The following MSRA variants were observed in gnomAD, a reference collection of about 807,000 sequenced individuals.
The protein encoded by MSRA is mitochondrial peptide methionine sulfoxide reductase.
In MSRA, 54 loss-of-function variants were observed where a neutral mutation model predicts 31.3. The ratio of observed to expected loss-of-function variants is 1.73; its 90% CI spans 1.39 to 2.17. The LOEUF is 2.17. Among genes scored for constraint, MSRA ranks in the 30% most tolerant of loss-of-function variants. The probability of loss-of-function intolerance (pLI) is 0.00; values close to 1 mark genes in which losing one functional copy is unlikely to be tolerated. For synonymous variants in MSRA, 169 were observed against 116.5 expected (o/e 1.45, Z -2.90); for missense variants, 507 against 300.9 (o/e 1.69, Z -5.07).
intron 3 of MSRA, among the ~76,000 whole-genome samples, chr8:10,253,338 A>G (rs1033882092): frequency 1.3e-5 from 2 of 152,192 alleles, no homozygotes; most frequent in African/African-American, 4.8e-5. Flanking sequence ...TTAATATTCT[A>G]TAGTTGGTTT....
chr8:10,136,171 C>T (rs144237861), intron 1 of MSRA, among the ~76,000 whole-genome samples: 1 of 152,130 alleles, frequency 6.6e-6, no homozygotes, highest in African/African-American at 2.4e-5. Flanking sequence ...CTTGCAGTCA[C>T]GCTGGGCACA....
At chr8:10,398,107 A>G (rs192136741) in intron 5 of MSRA, among the ~76,000 whole-genome samples, 1 of 152,364 alleles carries the variant, frequency 6.6e-6, no homozygotes, top group East Asian at 1.9e-4. Flanking sequence ...GGACCCCACT[A>G]TCCAGTTGAC....
At chr8:10,106,227 A>G (rs929444484) in intron 1 of MSRA, among the ~76,000 whole-genome samples, 7 of 152,204 alleles carry the variant, frequency 4.6e-5, no homozygotes, top group East Asian at 1.9e-4. Context: ...TCTTAAGGAC[A>G]GTGGCCATAC....
intron 1 of MSRA, chr8:10,096,257 C>T (rs1439440164): frequency 8.5e-7 from 1 of 1,177,000 alleles, no homozygotes; most frequent in Non-Finnish European, 1.1e-6. Flanking sequence ...TTAGTGACAA[C>T]ACTGAAGACC....
intron 2 of MSRA, among the ~76,000 whole-genome samples, chr8:10,231,186 G>T (rs563840760): frequency 1.3e-5 from 2 of 151,894 alleles, no homozygotes; most frequent in African/African-American, 4.8e-5. Flanking sequence ...GAGCTGAGGC[G>T]GGCGGACAGG....
intron 1 of MSRA, among the ~76,000 whole-genome samples, chr8:10,116,914 C>T (rs1800730045): frequency 6.6e-6 from 1 of 152,102 alleles, no homozygotes; most frequent in African/African-American, 2.4e-5. Flanking sequence ...TGCGGTGAGC[C>T]AAGATTGCGC....
intron 5 of MSRA, among the ~76,000 whole-genome samples, chr8:10,393,631 A>G (rs1806906310): frequency 6.6e-6 from 1 of 152,150 alleles, no homozygotes; most frequent in African/African-American, 2.4e-5. Flanking sequence ...TCTTCTGTGC[A>G]TGTGATTATA....
intron 3 of MSRA, among the ~76,000 whole-genome samples, chr8:10,246,229 A>G (rs1422393294): frequency 6.6e-6 from 1 of 152,186 alleles, no homozygotes; most frequent in Non-Finnish European, 1.5e-5. Context: ...CAAAGCCTAA[A>G]ATATTTACCG....
intron 4 of MSRA, among the ~76,000 whole-genome samples, chr8:10,315,144 G>A (rs1163025201): frequency 6.6e-6 from 1 of 152,096 alleles, no homozygotes; most frequent in Non-Finnish European, 1.5e-5. Context: ...AACAGCATGG[G>A]AAAGACCTGC....
At chr8:10,285,166 C>T (rs1472580230) in intron 3 of MSRA, among the ~76,000 whole-genome samples, 1 of 152,142 alleles carries the variant, frequency 6.6e-6, no homozygotes, top group Non-Finnish European at 1.5e-5. Context: ...CTCTCTTCAT[C>T]TTGTAAAACC....
At chr8:10,161,395 A>T (rs1804633238) in intron 1 of MSRA, among the ~76,000 whole-genome samples, 1 of 152,160 alleles carries the variant, frequency 6.6e-6, no homozygotes, top group Non-Finnish European at 1.5e-5. Flanking sequence ...TTGGGTGATG[A>T]GTCCCCAAGC....
intron 1 of MSRA, among the ~76,000 whole-genome samples, chr8:10,082,041 A>G (rs1798321815): frequency 1.3e-5 from 2 of 152,042 alleles, no homozygotes; most frequent in South Asian, 2.1e-4. Context: ...CAACAGTACA[A>G]AAATATATTA....
chr8:10,131,298 C>T (rs985429926), intron 1 of MSRA, among the ~76,000 whole-genome samples: 1 of 152,036 alleles, frequency 6.6e-6, no homozygotes, highest in African/African-American at 2.4e-5. Flanking sequence ...GGAAATTTCG[C>T]CACAGAAGAA....
chr8:10,365,521 T>C (rs1029372266), intron 5 of MSRA, among the ~76,000 whole-genome samples: 1 of 152,232 alleles, frequency 6.6e-6, no homozygotes, highest in Non-Finnish European at 1.5e-5. Flanking sequence ...AGAACGTTGT[T>C]GGGGGAAGGG....
At chr8:10,272,334 C>G (rs1799087639) in intron 3 of MSRA, among the ~76,000 whole-genome samples, 1 of 152,134 alleles carries the variant, frequency 6.6e-6, no homozygotes, top group South Asian at 2.1e-4. Context: ...AACAAGAGAG[C>G]TGATGGCATA....
chr8:10,320,040 C>A, intron 5 of MSRA, 51 bp downstream of exon 5: 1 of 1,241,364 alleles, frequency 8.1e-7, no homozygotes, highest in Non-Finnish European at 1.1e-6. Context: ...ATGACTAGGG[C>A]CAGGTTCTGA....
intron 1 of MSRA, among the ~76,000 whole-genome samples, chr8:10,189,473 T>C (rs990519765): frequency 6.6e-6 from 1 of 152,226 alleles, no homozygotes; most frequent in African/African-American, 2.4e-5. Flanking sequence ...ATGATGCAGC[T>C]GTAGCTTTTT....
At chr8:10,183,722 T>C (rs1806753767) in intron 1 of MSRA, among the ~76,000 whole-genome samples, 1 of 151,986 alleles carries the variant, frequency 6.6e-6, no homozygotes, top group Non-Finnish European at 1.5e-5. Context: ...GCATAGTGTT[T>C]TTCTCTGCGA....
chr8:10,343,046 CACACACAG>C (rs71203314), intron 5 of MSRA, among the ~76,000 whole-genome samples: 19,181 of 100,528 alleles, frequency 0.19, 1,273 homozygotes, highest in Admixed American at 0.28. Context: ...CACACACACA[CACACACAG>C]ACACACACAC....
Sources: gnomAD v4.1 joint callset for allele counts (sites outside exome capture counted in the v4.1 genomes callset) on GRCh38, gnomAD v4.1.1 for gene constraint, MANE v1.5 for transcripts, NCBI Gene and HGNC (gene_info 2026-07-23, HGNC 2026-07-21) for gene names.